Variants in PHKB observed in about 807,000 individuals in gnomAD.
PHKB encodes the protein phosphorylase kinase regulatory subunit beta.
In PHKB, 122 loss-of-function variants were observed where a neutral mutation model predicts 152.1. The observed-to-expected ratio is 0.80, with a 90% confidence interval of 0.69 to 0.93. The LOEUF (loss-of-function observed/expected upper bound fraction) is 0.93. Ranked by LOEUF, PHKB falls within the 40% of genes least tolerant of loss-of-function variation. The pLI, the probability that PHKB is intolerant of heterozygous loss-of-function variation, is 0.00. For missense variants in PHKB, 1,304 were observed against 1,328.4 expected, an observed-to-expected ratio of 0.98 and a Z score of 0.29; for synonymous variants, 436 against 464.9, an observed-to-expected ratio of 0.94 and a Z score of 0.80.
chr16:47,500,008 T>G, intron 3 of PHKB, 114 bp downstream of exon 3: 1 of 1,176,108 alleles, frequency 8.5e-7, no homozygotes, highest in Non-Finnish European at 1.3e-6. Context: ...CTGTGCGACC[T>G]ATGACTGCTC....
In PHKB at chr16:47,610,927, A is replaced by T; in HGVS notation, c.1458+7A>T. The T allele has an allele frequency of 6.7e-7, 1 of 1,496,996 alleles. No homozygotes were observed. Among genetic ancestry groups the T allele is most frequent in the South Asian group, 1.1e-5 (1 of 88,740 alleles). 92.7% of individuals were successfully genotyped at this position (1,496,996 alleles called of 1,614,324 possible). Reference sequence around the variant, plus strand: ...CATGAGGTTTTCCAATCAGGTAAAGAATTATTCTATTTCTTGATTTAGACT... The same window carrying T: ...CATGAGGTTTTCCAATCAGGTAAAGTATTATTCTATTTCTTGATTTAGACT... On this transcript the variant is annotated splice_region_variant and intron_variant, in intron 14 of 30. Transcript: ENST00000323584.
intron 6 of PHKB, among the ~76,000 whole-genome samples, chr16:47,518,136 G>C (rs1446426334): frequency 6.6e-6 from 1 of 152,088 alleles, no homozygotes; most frequent in African/African-American, 2.4e-5. Context: ...CACATTTTAA[G>C]ACAATCTAAG....
chr16:47,512,573 A>G (rs1474784814), intron 5 of PHKB, among the ~76,000 whole-genome samples: 1 of 152,200 alleles, frequency 6.6e-6, no homozygotes, highest in African/African-American at 2.4e-5. Flanking sequence ...CTGAAATGTA[A>G]TTCCAAAAGG....
chr16:47,672,421 T>C (rs565913088), intron 26 of PHKB, among the ~76,000 whole-genome samples: 4 of 152,270 alleles, frequency 2.6e-5, no homozygotes, highest in African/African-American at 7.2e-5. Context: ...TGATTCTCCA[T>C]CTCTGTACAT....
chr16:47,490,329 T>C (rs1433395863), intron 1 of PHKB, among the ~76,000 whole-genome samples: 1 of 152,244 alleles, frequency 6.6e-6, no homozygotes, highest in East Asian at 1.9e-4. Context: ...TCCAGGGTAG[T>C]TACAGTTAGA....
chr16:47,675,784 G>T (rs143459677), intron 26 of PHKB: 1 of 152,080 alleles, frequency 6.6e-6, no homozygotes, highest in East Asian at 1.9e-4. Context: ...AGACACTCAC[G>T]ACACCTGTGG....
In PHKB at chr16:47,566,787, G is replaced by T. The variant is rs553514589; in HGVS notation, c.711-13508G>T. 1.2e-4 allele frequency: 85 copies of T among 735,444 alleles called. No individual in the cohort carries two copies. The Middle Eastern group carries it at 1.6e-3, about 13-fold the overall frequency. The allele number at this position is 735,444 out of a possible 1,614,324, so 45.6% of individuals were successfully genotyped here. Reference sequence around the variant, plus strand: ...ATCTGTTTCATGAGCCCAGCTGACTGGTTTGGAAACATAAGTGCTTCCTCC... The same window carrying T: ...ATCTGTTTCATGAGCCCAGCTGACTTGTTTGGAAACATAAGTGCTTCCTCC... On this transcript the variant is annotated intron_variant, in intron 7 of 30. Transcript: ENST00000323584.
At chr16:47,523,057 T>C (rs1259916159) in intron 6 of PHKB, among the ~76,000 whole-genome samples, 5 of 151,856 alleles carry the variant, frequency 3.3e-5, no homozygotes, top group African/African-American at 4.8e-5. Context: ...TCTTTGTACA[T>C]GATTTCCTTC....
At chr16:47,594,719 G>A (rs896449266) in intron 12 of PHKB, among the ~76,000 whole-genome samples, 1 of 152,184 alleles carries the variant, frequency 6.6e-6, no homozygotes, top group Non-Finnish European at 1.5e-5. Flanking sequence ...GAAATGGTCA[G>A]AAGGCCCAGT....
chr16:47,539,125 G>A (rs1971004864), intron 6 of PHKB, among the ~76,000 whole-genome samples: 1 of 152,082 alleles, frequency 6.6e-6, no homozygotes, highest in African/African-American at 2.4e-5. Flanking sequence ...CATAATCTTG[G>A]TTTTCCATAG....
chr16:47,599,244 A>ATGAGGAATTTTTT (rs1269692576), intron 13 of PHKB, among the ~76,000 whole-genome samples: 5 of 152,228 alleles, frequency 3.3e-5, no homozygotes, highest in Non-Finnish European at 4.4e-5. Flanking sequence ...ACAAATGAGC[A>ATGAGGAATTTTTT]TGAGGAATTT....
rs763278918 is a variant in PHKB at position 47,699,178 on chromosome 16, A to G, written c.3145-51A>G. The G allele has an allele frequency of 1.0e-5, 16 of 1,589,300 alleles. No homozygotes were observed. In the South Asian group the frequency reaches 1.1e-4, roughly 11 times the overall value. ...AAGCTGACACAGATTTTACCTGTCAACTCTTTACAAACAGAAGATCGAATG... is the reference window on the plus strand; with the variant it reads ...AAGCTGACACAGATTTTACCTGTCAGCTCTTTACAAACAGAAGATCGAATG... On this transcript the variant is annotated intron_variant, in intron 30 of 30. Transcript: ENST00000323584.
At chr16:47,500,005 A>G (rs751404257) in intron 3 of PHKB, 111 bp downstream of exon 3, 3 of 1,194,548 alleles carry the variant, frequency 2.5e-6, no homozygotes, top group Non-Finnish European at 3.7e-6. Flanking sequence ...TCACTGTGCG[A>G]CCTATGACTG....
In PHKB at chr16:47,696,144, TC is replaced by T. The variant is rs148191408; in HGVS notation, c.2896-236del. Among the ~76,000 whole-genome samples, 15,400 of 152,174 alleles carry T rather than the reference TC, an allele frequency of 0.1. 1,565 individuals carry two copies. Among genetic ancestry groups the T allele is most frequent in the African/African-American group, 0.27 (11,058 of 41,470 alleles). On this transcript the variant is annotated intron_variant, in intron 28 of 30. Transcript: ENST00000323584. ...TGGCCTTCTAACATAGTCCTTTTTCTCAAAAAATTAATATAGTGAAGGTAAC... is the reference window on the plus strand; with the variant it reads ...TGGCCTTCTAACATAGTCCTTTTTCTAAAAAATTAATATAGTGAAGGTAAC...
chr16:47,576,851 A>G (rs1971757909), intron 7 of PHKB, among the ~76,000 whole-genome samples: 1 of 151,994 alleles, frequency 6.6e-6, no homozygotes, highest in Admixed American at 6.6e-5. Flanking sequence ...GTTATATTTG[A>G]GGGGACTTTT....
intron 1 of PHKB, chr16:47,464,249 G>C (rs1331363355): frequency 2.0e-6 from 1 of 506,516 alleles, no homozygotes; most frequent in Non-Finnish European, 3.6e-6. Context: ...CAGTTCCTTA[G>C]TGTCTGGGAG....
At chr16:47,619,089 T>G (rs758552983) in intron 14 of PHKB, 3 of 152,248 alleles carry the variant, frequency 2.0e-5, no homozygotes, top group Non-Finnish European at 2.9e-5. Context: ...TATCTGATTT[T>G]AACATTTTTT....
chr16:47,569,288 T>G (rs569321699), intron 7 of PHKB, among the ~76,000 whole-genome samples: 113 of 152,340 alleles, frequency 7.4e-4, no homozygotes, highest in African/African-American at 2.6e-3. Flanking sequence ...GTCTTTTTAT[T>G]TAAAGTCTGT....
At position 47,699,213 on chromosome 16, in the gene PHKB, C is replaced by CT; in HGVS notation, c.3145-15dup. The CT allele has an allele frequency of 1.2e-6, 2 of 1,613,682 alleles. No individual in the cohort carries two copies. The highest frequency in any genetic ancestry group is 1.7e-6 in the Non-Finnish European group (2 of 1,179,582). ...AACAGAAGATCGAATGCCTTGCCTA[C>CT]TGTTTTCCTTTGTAGGATGACATGA... On this transcript the variant is annotated splice_polypyrimidine_tract_variant and intron_variant, in intron 30 of 30. Transcript: ENST00000323584.
Sources: gnomAD v4.1 joint callset for allele counts (sites outside exome capture counted in the v4.1 genomes callset) on GRCh38, gnomAD v4.1.1 for gene constraint, MANE v1.5 for transcripts, NCBI Gene and HGNC (gene_info 2026-07-23, HGNC 2026-07-21) for gene names.